Variants in EFEMP1 observed in about 807,000 individuals in gnomAD.
The protein encoded by EFEMP1 is EGF-like fibulin extracellular matrix protein 1, also known as EGF-containing fibulin-like extracellular matrix protein 1.
EFEMP1 carries 18 observed loss-of-function variants against 65.7 expected under a neutral mutation model. The observed-to-expected ratio is 0.27, with a 90% CI of 0.19 to 0.41. The LOEUF (loss-of-function observed/expected upper bound fraction) is 0.41, where lower values mean the gene tolerates loss of function less well. Among genes scored for constraint, EFEMP1 ranks in the 10% least tolerant of loss-of-function variants. The pLI is 1.00. For synonymous variants in EFEMP1, 237 were observed against 219.7 expected (o/e 1.08, Z -0.70); for missense variants, 469 against 624.8 (o/e 0.75, Z 2.66).
At chr2:55,887,248 A>G (rs1190511541) in intron 5 of EFEMP1, among the ~76,000 whole-genome samples, 1 of 152,170 alleles carries the variant, frequency 6.6e-6, no homozygotes, top group African/African-American at 2.4e-5. Flanking sequence ...TGTTTCTGCA[A>G]TTTAGGTCCT....
At chr2:55,874,817 G>GA (rs780032766) in intron 9 of EFEMP1, 129 bp downstream of exon 9, 2 of 992,696 alleles carry the variant, frequency 2.0e-6, no homozygotes, top group South Asian at 1.9e-5. Context: ...ATGAACAGGG[G>GA]AAAAAAGAGC....
chr2:55,880,087 A>C (rs1669184368), intron 6 of EFEMP1, among the ~76,000 whole-genome samples: 1 of 152,144 alleles, frequency 6.6e-6, no homozygotes, highest in Admixed American at 6.5e-5. Flanking sequence ...ACACTGTGTG[A>C]CGTGTGTGGG....
At position 55,917,820 on chromosome 2, in the gene EFEMP1, C is replaced by G. The variant is rs1164648607; in HGVS notation, c.362G>C (p.Ser121Thr). 3 of 1,614,240 alleles carry G rather than the reference C, an allele frequency of 1.9e-6. No individual in the cohort carries two copies. The highest frequency in any genetic ancestry group is 2.5e-6 in the Non-Finnish European group (3 of 1,180,044). Reference protein sequence around the residue: ...GVLPGGGFVASAAAVAGPEMQ... With the variant: ...GVLPGGGFVATAAAVAGPEMQ... ...TTCAGGGCCTGCGACTGCAGCAGCA[C>G]TGGCCACAAAACCACCCCCGGGCAA... is the stretch of plus-strand genomic sequence containing the variant. Residue 121 changes from serine (S) to threonine (T), a missense_variant, in exon 5 of 12, where the codon AGT (serine) becomes ACT (threonine). Physicochemically the swap from Ser to Thr is moderately conservative, Grantham distance 58 (BLOSUM62 1). Around this residue, in one of 3 missense-constraint regions of EFEMP1, gnomAD observed 399 missense variants for 528.2 expected, o/e 0.76. Coordinates refer to ENST00000355426, the MANE Select transcript of EFEMP1 (RefSeq NM_001039348.3). The surrounding 1 kb of genome is among the most constrained non-coding windows in gnomAD (Gnocchi z 6.3).
intron 5 of EFEMP1, among the ~76,000 whole-genome samples, chr2:55,905,646 A>G (rs1234752269): frequency 6.6e-6 from 1 of 152,032 alleles, no homozygotes; most frequent in Non-Finnish European, 1.5e-5. Flanking sequence ...ACAGGGTTTC[A>G]TCGTGTTGGT....
chr2:55,916,795 A>G (rs1023875398), intron 5 of EFEMP1, among the ~76,000 whole-genome samples: 2 of 152,234 alleles, frequency 1.3e-5, no homozygotes, highest in African/African-American at 4.8e-5. Flanking sequence ...ATGGTTTGCC[A>G]AGAAGAAAGG....
chr2:55,887,155 G>C (rs1669451002), intron 5 of EFEMP1, among the ~76,000 whole-genome samples: 1 of 152,094 alleles, frequency 6.6e-6, no homozygotes, highest in South Asian at 2.1e-4. Flanking sequence ...AGAAAAAAAA[G>C]GATGTCACTG....
chr2:55,889,947 A>C (rs1669573365), intron 5 of EFEMP1, among the ~76,000 whole-genome samples: 1 of 152,120 alleles, frequency 6.6e-6, no homozygotes, highest in Non-Finnish European at 1.5e-5. Context: ...ACAAATGAAA[A>C]GCAAATAGAA....
intron 5 of EFEMP1, among the ~76,000 whole-genome samples, chr2:55,906,053 A>C (rs551967984): frequency 7.2e-4 from 110 of 152,142 alleles, no homozygotes; most frequent in Non-Finnish European, 1.1e-3. Context: ...GCTGTTCACT[A>C]ATCTTTCCTG....
At chr2:55,879,965 C>T (rs186503102) in intron 6 of EFEMP1, among the ~76,000 whole-genome samples, 9 of 152,246 alleles carry the variant, frequency 5.9e-5, no homozygotes, top group Non-Finnish European at 1.0e-4. Flanking sequence ...TCATAGCAGG[C>T]TTCCCAGAGG....
intron 5 of EFEMP1, among the ~76,000 whole-genome samples, chr2:55,907,792 G>T (rs1055568851): frequency 9.2e-5 from 14 of 152,198 alleles, no homozygotes; most frequent in African/African-American, 3.4e-4. Flanking sequence ...AAGGGAGTAG[G>T]ATTGGATTCC....
chr2:55,874,325 T>A lies in EFEMP1; in HGVS notation c.1000+621A>T, dbSNP rs533481487. ...AACATTGGAGGTAGGGTCCTTTTTT[T>A]TTTTAGATCTTCCTGAGAAACTCTG... On this transcript the variant is annotated intron_variant, in intron 9 of 11. Coordinates refer to ENST00000355426, the MANE Select transcript of EFEMP1 (RefSeq NM_001039348.3). Among the ~76,000 whole-genome samples the A allele has an allele frequency of 3.9e-5, 6 of 152,128 alleles. No individual in the cohort carries two copies. In the South Asian group the frequency reaches 8.3e-4, roughly 21 times the overall value.
At position 55,866,736 on chromosome 2, in the gene EFEMP1, T is replaced by G. The variant is rs1444205369; in HGVS notation, c.*337A>C. The G allele has an allele frequency of 7.5e-6, 2 of 267,864 alleles. No individual in the cohort carries two copies. The highest frequency in any genetic ancestry group is 2.2e-5 in the African/African-American group (1 of 44,834). 16.6% of individuals were successfully genotyped at this position (267,864 alleles called of 1,614,324 possible). A position where few individuals can be genotyped will look rare whatever the true frequency, so the allele number is the denominator to read the frequency against. On this transcript the variant is annotated 3_prime_UTR_variant, in exon 12 of 12. Transcript: ENST00000355426. ...CTCCTTATGAGACTGTTAGTGGAGCTCTAGTAAGTTTCCTTAAGCACCACA... is the reference window on the plus strand; with the variant it reads ...CTCCTTATGAGACTGTTAGTGGAGCGCTAGTAAGTTTCCTTAAGCACCACA...
intron 5 of EFEMP1, among the ~76,000 whole-genome samples, chr2:55,882,847 C>A (rs1572801777): frequency 1.3e-5 from 2 of 152,066 alleles, no homozygotes; most frequent in African/African-American, 4.8e-5. Context: ...TAGATCATCA[C>A]TGTGGCAGAC....
In EFEMP1 at chr2:55,923,070, C is replaced by T; in HGVS notation, c.-48-131G>A. ...CCTTCTCACATGTCTCAGAGCTTCT[C>T]ACATCCCCCAGCACAAACTCTCAAA... On this transcript the variant is annotated intron_variant, in intron 1 of 11. Transcript: ENST00000355426. This position sits in a 1 kb window ranked among gnomAD's most constrained non-coding sequence, Gnocchi z 5.3. The T allele has an allele frequency of 1.8e-6, 1 of 546,954 alleles. No individual in the cohort carries two copies. The highest frequency in any genetic ancestry group is 2.3e-6 in the Non-Finnish European group (1 of 427,100). 33.9% of individuals were successfully genotyped at this position (546,954 alleles called of 1,614,324 possible).
chr2:55,903,898 C>T (rs1188729306), intron 5 of EFEMP1, among the ~76,000 whole-genome samples: 2 of 152,096 alleles, frequency 1.3e-5, no homozygotes, highest in African/African-American at 2.4e-5. Flanking sequence ...TGTGATTGCT[C>T]ATTGTCCTCA....
In EFEMP1 at chr2:55,923,259, C is replaced by G. The variant is rs535081877; in HGVS notation, c.-48-320G>C. ...CTAGGACCGGAACCAGGGATCGCAC[C>G]GCAGCCCAAGGTACCAGTTTCGGGC... On this transcript the variant is annotated intron_variant, in intron 1 of 11. Coordinates refer to ENST00000355426, the MANE Select transcript of EFEMP1 (RefSeq NM_001039348.3). This position sits in a 1 kb window ranked among gnomAD's most constrained non-coding sequence, Gnocchi z 5.3. 1.2e-4 allele frequency among the ~76,000 whole-genome samples: 18 copies of G among 152,280 alleles called. No homozygotes were observed. In the East Asian group the frequency reaches 3.5e-3, roughly 30 times the overall value.
chr2:55,881,106 T>C (rs1221701463), intron 6 of EFEMP1, among the ~76,000 whole-genome samples: 2 of 152,200 alleles, frequency 1.3e-5, no homozygotes, highest in African/African-American at 4.8e-5. Context: ...ATTCCCTACA[T>C]GAGCTCTGGA....
At position 55,895,784 on chromosome 2, in the gene EFEMP1, G is replaced by A. The variant is rs192559247; in HGVS notation, c.518-14050C>T. On this transcript the variant is annotated intron_variant, in intron 5 of 11. Coordinates refer to ENST00000355426, the MANE Select transcript of EFEMP1 (RefSeq NM_001039348.3). ...TCTCTATCTCCTGACCTCGTGATCCGCCCGCCTTGGCCTCCCAAAGTGCCG... is the reference window on the plus strand; with the variant it reads ...TCTCTATCTCCTGACCTCGTGATCCACCCGCCTTGGCCTCCCAAAGTGCCG... 8.1e-3 allele frequency among the ~76,000 whole-genome samples: 1,227 copies of A among 151,562 alleles called. 10 individuals are homozygous for A. Among genetic ancestry groups the A allele is most frequent in the Middle Eastern group, 0.024 (7 of 292 alleles).
intron 6 of EFEMP1, among the ~76,000 whole-genome samples, chr2:55,880,510 A>G (rs1284432783): frequency 6.6e-6 from 1 of 152,216 alleles, no homozygotes; most frequent in Non-Finnish European, 1.5e-5. Flanking sequence ...GAGGCTGGGC[A>G]CTAACCCCAG....
Sources: gnomAD v4.1 joint callset for allele counts (sites outside exome capture counted in the v4.1 genomes callset) on GRCh38, gnomAD v4.1.1 for gene constraint, gnomAD v4.1.1 regional missense constraint, Gnocchi (gnomAD v3.1) non-coding constraint, MANE v1.5 for transcripts, NCBI Gene and HGNC (gene_info 2026-07-23, HGNC 2026-07-21) for gene names.